SHC3: variants seen among roughly 807,000 people sequenced by gnomAD.
SHC3 encodes SHC-transforming protein 3.
A neutral mutation model predicts 60.4 loss-of-function variants in SHC3; 15 were observed. The ratio of observed to expected loss-of-function variants is 0.25; its 90% confidence interval spans 0.17 to 0.38. The LOEUF (loss-of-function observed/expected upper bound fraction) is 0.38. Ranked by LOEUF, SHC3 falls within the 10% of genes least tolerant of loss-of-function variation. SHC3 has a pLI of 1.00. For synonymous variants in SHC3, 294 were observed against 325.9 expected, an observed-to-expected ratio of 0.90 and a Z score of 1.05; for missense variants, 677 against 786.1, an observed-to-expected ratio of 0.86 and a Z score of 1.66.
intron 2 of SHC3, among the ~76,000 whole-genome samples, chr9:89,094,562 C>A (rs942374677): frequency 1.3e-5 from 2 of 152,172 alleles, no homozygotes; most frequent in Admixed American, 6.5e-5. Flanking sequence ...AAGTGTCTGG[C>A]CCTTTTCTAC....
intron 11 of SHC3, among the ~76,000 whole-genome samples, chr9:89,027,217 A>G (rs553451218): frequency 8.5e-5 from 13 of 152,260 alleles, no homozygotes; most frequent in African/African-American, 2.4e-4. Flanking sequence ...CTTCCTTACC[A>G]GTTATTAAGT....
chr9:89,018,155 G>C (rs1826128053), intron 11 of SHC3, among the ~76,000 whole-genome samples: 1 of 152,098 alleles, frequency 6.6e-6, no homozygotes, highest in Admixed American at 6.5e-5. Context: ...ATACCCAAAG[G>C]ATTTTAAATC....
At chr9:89,052,699 A>G (rs1437947000) in intron 6 of SHC3, among the ~76,000 whole-genome samples, 1 of 152,242 alleles carries the variant, frequency 6.6e-6, no homozygotes, top group African/African-American at 2.4e-5. Flanking sequence ...CAAAACAATA[A>G]GGAAACCTTT....
chr9:89,014,630 C>T (rs1373570857), intron 11 of SHC3, among the ~76,000 whole-genome samples: 2 of 152,144 alleles, frequency 1.3e-5, no homozygotes, highest in Non-Finnish European at 2.9e-5. Flanking sequence ...CAGCTCTCCT[C>T]GCCCTCCTGC....
chr9:89,052,235 C>T, intron 6 of SHC3, 72 bp from the exon 7 acceptor site: 14 of 1,583,294 alleles, frequency 8.8e-6, no homozygotes, highest in Non-Finnish European at 1.2e-5. Context: ...ACAAAGAGCC[C>T]TTGCTGAGGA....
intron 1 of SHC3, among the ~76,000 whole-genome samples, chr9:89,174,346 A>T (rs1234027297): frequency 6.6e-6 from 1 of 152,246 alleles, no homozygotes; most frequent in Non-Finnish European, 1.5e-5. Flanking sequence ...CATATCAGGA[A>T]GGGTCCAGTG....
chr9:89,161,209 A>C (rs1361917280), intron 1 of SHC3, among the ~76,000 whole-genome samples: 7 of 152,146 alleles, frequency 4.6e-5, no homozygotes, highest in Admixed American at 4.6e-4. Context: ...CAGGTTTCTC[A>C]TGAATGGTTT....
chr9:89,026,328 G>A (rs1050973719), intron 11 of SHC3, among the ~76,000 whole-genome samples: 1 of 151,366 alleles, frequency 6.6e-6, no homozygotes, highest in Non-Finnish European at 1.5e-5. Flanking sequence ...CCTGCTACCT[G>A]GAGGTTTCAT....
At chr9:89,116,491 C>A (rs1050856750) in intron 1 of SHC3, among the ~76,000 whole-genome samples, 6 of 152,136 alleles carry the variant, frequency 3.9e-5, no homozygotes, top group Non-Finnish European at 8.8e-5. Flanking sequence ...GTGTGGATAC[C>A]ACAACCAAAG....
chr9:89,146,314 G>A (rs1032611818), intron 1 of SHC3, among the ~76,000 whole-genome samples: 3 of 151,676 alleles, frequency 2.0e-5, no homozygotes, highest in Non-Finnish European at 2.9e-5. Context: ...CTGAGATCGC[G>A]CCACTGCACT....
intron 11 of SHC3, among the ~76,000 whole-genome samples, chr9:89,017,953 G>T (rs931015544): frequency 6.6e-6 from 1 of 152,166 alleles, no homozygotes; most frequent in Admixed American, 6.5e-5. Context: ...ACTATCTCAC[G>T]CCAGTTAGAG....
Position 89,178,171 on chromosome 9 carries a change from G to C in SHC3, c.290C>G (p.Ser97Trp), listed in dbSNP as rs1052298573. The change falls in exon 1 of 12, where the codon TCG becomes TGG. Residue 97 changes from serine (S) to tryptophan (W), a missense_variant. By Grantham distance (177) the Ser-to-Trp change is radical. Transcript: ENST00000375835. This position sits in a 1 kb window ranked among gnomAD's most constrained non-coding sequence, Gnocchi z 6.9. ...CAGGCTGGGCGCGCTGCAGCTGCCCGAGAGCCGCGCGCCCGCCCGCTCCCG... is the reference window on the plus strand; with the variant it reads ...CAGGCTGGGCGCGCTGCAGCTGCCCCAGAGCCGCGCGCCCGCCCGCTCCCG... ...AARERAGARL[S>W]GSCSAPSLAA... 4.6e-6 allele frequency: 6 copies of C among 1,301,296 alleles called. No homozygotes were observed. The African/African-American group carries it at 7.8e-5, about 17-fold the overall frequency. The allele number at this position is 1,301,296 out of a possible 1,614,324, so 80.6% of individuals were successfully genotyped here. A position where few individuals can be genotyped will look rare whatever the true frequency, so the allele number is the denominator to read the frequency against.
intron 8 of SHC3, 47 bp from the exon 9 acceptor site, chr9:89,045,880 C>T (rs750184857): frequency 2.5e-6 from 4 of 1,586,120 alleles, no homozygotes; most frequent in Non-Finnish European, 1.7e-6. Flanking sequence ...ATTTTCTTCT[C>T]ATTTCACCAC....
At chr9:89,045,697 T>G (rs1824760477) in intron 9 of SHC3, 49 bp downstream of exon 9, 2 of 1,575,354 alleles carry the variant, frequency 1.3e-6, no homozygotes, top group African/African-American at 1.3e-5. Context: ...GCATGTTACT[T>G]TTGAAAAGTG....
At chr9:89,141,137 A>G (rs759584360) in intron 1 of SHC3, among the ~76,000 whole-genome samples, 2 of 152,244 alleles carry the variant, frequency 1.3e-5, no homozygotes, top group Non-Finnish European at 2.9e-5. Flanking sequence ...CAGATATCAA[A>G]CAAGAAAGAA....
At chr9:89,167,840 C>G (rs1477741835) in intron 1 of SHC3, among the ~76,000 whole-genome samples, 1 of 152,222 alleles carries the variant, frequency 6.6e-6, no homozygotes, top group Non-Finnish European at 1.5e-5. Context: ...CACCTTGATA[C>G]AGAAGCGTGT....
chr9:89,172,586 CACACAG>C (rs1276799241), intron 1 of SHC3, among the ~76,000 whole-genome samples: 5 of 151,892 alleles, frequency 3.3e-5, no homozygotes, highest in African/African-American at 9.7e-5. Flanking sequence ...GACACACACA[CACACAG>C]ACACACACAC....
intron 10 of SHC3, among the ~76,000 whole-genome samples, chr9:89,038,603 G>C (rs1824624612): frequency 6.6e-6 from 1 of 152,174 alleles, no homozygotes; most frequent in Non-Finnish European, 1.5e-5. Context: ...CTTCATTTTT[G>C]CATGCTGCAA....
chr9:89,119,026 A>G (rs1826054695), intron 1 of SHC3, among the ~76,000 whole-genome samples: 1 of 152,166 alleles, frequency 6.6e-6, no homozygotes, highest in Non-Finnish European at 1.5e-5. Flanking sequence ...TAAACATGGA[A>G]GGTAAGGGAA....
Sources: gnomAD v4.1 joint callset for allele counts (sites outside exome capture counted in the v4.1 genomes callset) on GRCh38, gnomAD v4.1.1 for gene constraint, Gnocchi (gnomAD v3.1) non-coding constraint, MANE v1.5 for transcripts, NCBI Gene and HGNC (gene_info 2026-07-23, HGNC 2026-07-21) for gene names.